Variants in DGKK observed in about 807,000 individuals in gnomAD.
The protein encoded by DGKK is 142 kDa diacylglycerol kinase.
DGKK carries 35 observed loss-of-function variants against 92.2 expected under a neutral mutation model. The ratio of observed to expected loss-of-function variants is 0.38; its 90% CI spans 0.29 to 0.50. DGKK has a LOEUF of 0.50. Among genes scored for constraint, DGKK ranks in the 20% least tolerant of loss-of-function variants. The pLI, the probability that DGKK is intolerant of heterozygous loss-of-function variation, is 0.92. For synonymous variants in DGKK, 368 were observed against 360.6 expected (o/e 1.02, Z -0.23); for missense variants, 910 against 992.2 (o/e 0.92, Z 1.11).
intron 1 of DGKK, among the ~76,000 whole-genome samples, chrX:50,466,377 A>T (rs1243137571): frequency 6.3e-5 from 7 of 111,606 alleles, no homozygotes; most frequent in Non-Finnish European, 1.3e-4. Context: ...TAGGAAAAAA[A>T]TTTATTATCC....
intron 4 of DGKK, among the ~76,000 whole-genome samples, chrX:50,414,271 T>C (rs1257901323): frequency 9.0e-6 from 1 of 111,516 alleles, no homozygotes; most frequent in African/African-American, 3.3e-5. Context: ...TGAGATCTAT[T>C]GTGCAGCAGG....
At chrX:50,469,660 T>G (rs185454924) in intron 1 of DGKK, among the ~76,000 whole-genome samples, 42 of 113,143 alleles carry the variant, frequency 3.7e-4, no homozygotes, top group African/African-American at 1.2e-3. Context: ...CCGTCCGCTA[T>G]GTATTCGGGG....
chrX:50,412,269 G>T (rs1925322982), intron 4 of DGKK, among the ~76,000 whole-genome samples: 1 of 112,008 alleles, frequency 8.9e-6, no homozygotes, highest in African/African-American at 3.2e-5. Context: ...TAAAAGACCT[G>T]CATACTGAAA....
intron 4 of DGKK, among the ~76,000 whole-genome samples, chrX:50,408,443 A>G (rs1557227497): frequency 9.0e-6 from 1 of 111,384 alleles, no homozygotes; most frequent in Non-Finnish European, 1.9e-5. Flanking sequence ...CAGTGGCGCG[A>G]TCTCGGCTCA....
chrX:50,444,778 G>T (rs1926250155), intron 1 of DGKK, among the ~76,000 whole-genome samples: 1 of 108,961 alleles, frequency 9.2e-6, no homozygotes, highest in South Asian at 3.8e-4. Flanking sequence ...CTTTATGGTA[G>T]AATGATTTAT....
chrX:50,447,420 ATATATATT>A (rs199932880), intron 1 of DGKK, among the ~76,000 whole-genome samples: 2,511 of 21,126 alleles, frequency 0.12, 528 homozygotes, highest in African/African-American at 0.52. Flanking sequence ...ATATATATAT[ATATATATT>A]ATATATATAT....
intron 1 of DGKK, among the ~76,000 whole-genome samples, chrX:50,452,144 GGTGA>G (rs1393589342): frequency 1.8e-5 from 2 of 111,574 alleles, no homozygotes; most frequent in Admixed American, 9.5e-5. Context: ...GACGCAGAAA[GGTGA>G]GTGAGGGTCT....
intron 27 of DGKK, among the ~76,000 whole-genome samples, chrX:50,369,854 TC>T (rs1185332671): frequency 9.0e-6 from 1 of 111,421 alleles, no homozygotes; most frequent in Non-Finnish European, 1.9e-5. Context: ...GTGAACCTGT[TC>T]CTTTTTTTTC....
intron 8 of DGKK, among the ~76,000 whole-genome samples, chrX:50,395,191 G>A (rs968577017): frequency 9.0e-6 from 1 of 111,595 alleles, no homozygotes; most frequent in Non-Finnish European, 1.9e-5. Flanking sequence ...GTCAAAAGGT[G>A]TTAACTTTTT....
chrX:50,386,690 A>C (rs1924551860), intron 14 of DGKK, 104 bp from the exon 15 acceptor site: 1 of 648,812 alleles, frequency 1.5e-6, no homozygotes, highest in Non-Finnish European at 2.3e-6. Flanking sequence ...GAGGGGTAAG[A>C]GTTGTCCATA....
chrX:50,457,819 T>C (rs1185413773), intron 1 of DGKK, among the ~76,000 whole-genome samples: 6 of 111,773 alleles, frequency 5.4e-5, no homozygotes, highest in Admixed American at 9.5e-5. Flanking sequence ...GTTTATTTGG[T>C]GTAGTGTTCT....
chrX:50,439,456 G>T (rs1364385518), intron 1 of DGKK, among the ~76,000 whole-genome samples: 1 of 111,267 alleles, frequency 9.0e-6, no homozygotes, highest in Non-Finnish European at 1.9e-5. Flanking sequence ...AAAGTGCCCA[G>T]TATAAGGTAG....
intron 1 of DGKK, among the ~76,000 whole-genome samples, chrX:50,466,017 C>CTTTTTTTTTTTTTTTTTTTTTTT (rs72090197): frequency 4.7e-5 from 2 of 42,793 alleles, no homozygotes; most frequent in African/African-American, 9.7e-5. Flanking sequence ...TTTCTTTTTT[C>CTTTTTTTTTTTTTTTTTTTTTTT]TTTTTTTTTT....
At chrX:50,428,200 T>TTATTAG (rs782278151) in intron 1 of DGKK, among the ~76,000 whole-genome samples, 1 of 109,084 alleles carries the variant, frequency 9.2e-6, no homozygotes, top group Admixed American at 9.8e-5. Context: ...TAATAAATTA[T>TTATTAG]TATTATTATT....
chrX:50,371,651 C>G, intron 26 of DGKK, 73 bp downstream of exon 26: 1 of 783,211 alleles, frequency 1.3e-6, no homozygotes, highest in South Asian at 2.5e-5. Context: ...CATGTCCTGG[C>G]CCACACTGGA....
At chrX:50,422,549 G>A in intron 2 of DGKK, 23 bp from the exon 3 acceptor site, 1 of 1,160,417 alleles carries the variant, frequency 8.6e-7, no homozygotes, top group Non-Finnish European at 1.2e-6. Flanking sequence ...AAGACAGAGA[G>A]GGACAAGGAA....
At chrX:50,441,975 A>G (rs1272347751) in intron 1 of DGKK, among the ~76,000 whole-genome samples, 1 of 111,574 alleles carries the variant, frequency 9.0e-6, no homozygotes, top group Non-Finnish European at 1.9e-5. Flanking sequence ...GAGAAATTTC[A>G]TAGATAATAT....
chrX:50,390,782 C>T (rs1557225444), intron 11 of DGKK, among the ~76,000 whole-genome samples: 1 of 111,731 alleles, frequency 9.0e-6, no homozygotes, highest in Non-Finnish European at 1.9e-5. Flanking sequence ...TTAAAAAGCT[C>T]CCCAGGAGAT....
intron 1 of DGKK, among the ~76,000 whole-genome samples, chrX:50,462,546 C>T (rs1461651190): frequency 9.2e-6 from 1 of 108,713 alleles, no homozygotes; most frequent in Non-Finnish European, 1.9e-5. Context: ...TTTTTTTCTC[C>T]TCTTGGATGT....
Sources: allele counts gnomAD v4.1 joint callset (sites outside exome capture counted in the v4.1 genomes callset), GRCh38; gene constraint gnomAD v4.1.1; transcripts MANE v1.5; gene names NCBI Gene and HGNC (gene_info 2026-07-23, HGNC 2026-07-21).